The following EXOC6 variants were observed in gnomAD, a reference collection of about 807,000 sequenced individuals.
EXOC6 encodes the protein SEC15-like 1.
EXOC6 carries 60 observed loss-of-function variants against 112.5 expected under a neutral mutation model. The observed-to-expected ratio is 0.53, with a 90% CI of 0.43 to 0.66. The LOEUF (loss-of-function observed/expected upper bound fraction) is 0.66. Among genes scored for constraint, EXOC6 ranks in the 30% least tolerant of loss-of-function variants. EXOC6 has a pLI of 0.00. For synonymous variants in EXOC6, 295 were observed against 308.0 expected, an observed-to-expected ratio of 0.96 and a Z score of 0.44; for missense variants, 855 against 957.1, an observed-to-expected ratio of 0.89 and a Z score of 1.41.
intron 18 of EXOC6, among the ~76,000 whole-genome samples, chr10:92,976,637 G>A (rs1842628463): frequency 7.3e-6 from 1 of 136,600 alleles, no homozygotes; most frequent in Non-Finnish European, 1.6e-5. Flanking sequence ...CCCTCTGCGA[G>A]AAACACCCAA....
upstream of EXOC6, among the ~76,000 whole-genome samples, chr10:92,830,700 T>C (rs1442554277): frequency 1.3e-5 from 2 of 152,162 alleles, no homozygotes; most frequent in African/African-American, 2.4e-5. Context: ...TCTCCCGACA[T>C]TTCCCTCGAG....
At chr10:92,935,698 A>G (rs1433561426) in intron 11 of EXOC6, 116 bp from the exon 12 acceptor site, 18 of 774,158 alleles carry the variant, frequency 2.3e-5, no homozygotes, top group African/African-American at 5.4e-5. Flanking sequence ...TAAACTTATT[A>G]TAAGTCTGGC....
chr10:92,984,824 C>T (rs1180531913), intron 18 of EXOC6, among the ~76,000 whole-genome samples: 1 of 151,896 alleles, frequency 6.6e-6, no homozygotes, highest in African/African-American at 2.4e-5. Context: ...GTGGCGAAAC[C>T]CTGTCTCTAC....
At chr10:92,840,687 A>G (rs1287815827) in intron 1 of EXOC6, among the ~76,000 whole-genome samples, 1 of 148,450 alleles carries the variant, frequency 6.7e-6, no homozygotes, top group East Asian at 2.0e-4. Context: ...TTTTTGAGAC[A>G]GGGTCTGTCT....
chr10:92,988,042 T>G (rs1039556510), intron 18 of EXOC6, among the ~76,000 whole-genome samples: 1 of 152,210 alleles, frequency 6.6e-6, no homozygotes, highest in African/African-American at 2.4e-5. Flanking sequence ...AAAATATTAG[T>G]TGTTATCGTT....
intron 1 of EXOC6, among the ~76,000 whole-genome samples, chr10:92,890,947 C>G (rs893605210): frequency 5.3e-5 from 8 of 152,228 alleles, no homozygotes; most frequent in African/African-American, 1.9e-4. Context: ...CATCTGGCTG[C>G]TGTATTGAGA....
At chr10:92,878,674 G>A (rs144204765) in intron 1 of EXOC6, among the ~76,000 whole-genome samples, 1 of 152,260 alleles carries the variant, frequency 6.6e-6, no homozygotes, top group East Asian at 1.9e-4. Context: ...GAGAGATAAT[G>A]CGATAATTGT....
intron 1 of EXOC6, among the ~76,000 whole-genome samples, chr10:92,852,331 G>A (rs1847390608): frequency 6.6e-6 from 1 of 152,084 alleles, no homozygotes; most frequent in Non-Finnish European, 1.5e-5. Context: ...GACTTTTCTG[G>A]AAAATTGAAG....
At chr10:93,056,719 A>G (rs568680396) in intron 20 of EXOC6, among the ~76,000 whole-genome samples, 7 of 152,238 alleles carry the variant, frequency 4.6e-5, no homozygotes, top group African/African-American at 1.7e-4. Flanking sequence ...CTAGAAAACA[A>G]CCCCTGGCAT....
intron 7 of EXOC6, among the ~76,000 whole-genome samples, chr10:92,918,212 A>AT (rs995973264): frequency 1.1e-4 from 16 of 151,552 alleles, no homozygotes; most frequent in South Asian, 2.1e-4. Flanking sequence ...GTCCTTTTCA[A>AT]TTTTTTTTTA....
At chr10:92,831,291 G>A (rs1420763152), upstream of EXOC6, 2 of 1,287,616 alleles carry the variant, frequency 1.6e-6, no homozygotes, top group Admixed American at 2.3e-5. Flanking sequence ...TGAATCTCCA[G>A]GCTGAGCCGG....
chr10:92,870,771 C>T (rs1270464194), intron 1 of EXOC6, among the ~76,000 whole-genome samples: 1 of 150,340 alleles, frequency 6.7e-6, no homozygotes, highest in Non-Finnish European at 1.5e-5. Context: ...TGCAGTGATG[C>T]GATCTTGGCT....
In EXOC6 at chr10:92,892,037, G is replaced by A. The variant is rs546517582; in HGVS notation, c.102-1312G>A. 2.5e-4 allele frequency among the ~76,000 whole-genome samples: 38 copies of A among 152,294 alleles called. No individual in the cohort carries two copies. In the South Asian group the frequency reaches 7.5e-3, roughly 30 times the overall value. On this transcript the variant is annotated intron_variant, in intron 1 of 21. Transcript: ENST00000260762. Reference sequence around the variant, plus strand: ...AAGATTACTTGGCATGGGAATGATTGGCAAAGGCCTGCTGGAAGAAATGGG... The same window carrying A: ...AAGATTACTTGGCATGGGAATGATTAGCAAAGGCCTGCTGGAAGAAATGGG...
chr10:92,954,326 A>T (rs771538520), intron 15 of EXOC6, among the ~76,000 whole-genome samples: 1 of 152,174 alleles, frequency 6.6e-6, no homozygotes, highest in Admixed American at 6.5e-5. Context: ...CTATCCCATG[A>T]TGGAGTCGGA....
intron 1 of EXOC6, among the ~76,000 whole-genome samples, chr10:92,837,097 A>AACATAAC (rs1554878480): frequency 2.1e-5 from 3 of 139,778 alleles, no homozygotes; most frequent in Non-Finnish European, 4.6e-5. Context: ...GTTATAACAT[A>AACATAAC]ACACACACAC....
chr10:92,936,245 T>C (rs984297946), intron 12 of EXOC6, among the ~76,000 whole-genome samples: 1 of 152,254 alleles, frequency 6.6e-6, no homozygotes, highest in African/African-American at 2.4e-5. Context: ...TAGAATCACA[T>C]AGACCCAGAG....
chr10:92,976,813 A>G (rs1398323583), intron 18 of EXOC6, among the ~76,000 whole-genome samples: 1 of 152,160 alleles, frequency 6.6e-6, no homozygotes, highest in East Asian at 1.9e-4. Flanking sequence ...GCACATCTAC[A>G]TTTTGGACAG....
intron 6 of EXOC6, among the ~76,000 whole-genome samples, chr10:92,911,894 T>TG (rs1765438246): frequency 6.7e-6 from 1 of 149,890 alleles, no homozygotes; most frequent in African/African-American, 2.5e-5. Context: ...TTCAATTTCT[T>TG]GTGGGTTTCT....
At chr10:92,905,603 T>C (rs185549182) in intron 5 of EXOC6, among the ~76,000 whole-genome samples, 9 of 152,160 alleles carry the variant, frequency 5.9e-5, no homozygotes, top group African/African-American at 2.2e-4. Flanking sequence ...ACTGCTTCCA[T>C]GTAGTATGAT....
Sources: allele counts gnomAD v4.1 joint callset (sites outside exome capture counted in the v4.1 genomes callset), GRCh38; gene constraint gnomAD v4.1.1; transcripts MANE v1.5; gene names NCBI Gene and HGNC (gene_info 2026-07-23, HGNC 2026-07-21).